Variants in DDX19B observed in about 807,000 individuals in gnomAD.
DDX19B encodes the protein DEAD-box helicase 19B.
DDX19B carries 27 observed loss-of-function variants against 58.1 expected under a neutral mutation model. The ratio of observed to expected loss-of-function variants is 0.46; its 90% CI spans 0.34 to 0.64. DDX19B has a LOEUF of 0.64. DDX19B is among the 30% of genes least tolerant of loss of function. The pLI, the probability that DDX19B is intolerant of heterozygous loss-of-function variation, is 0.01. For missense variants in DDX19B, 399 were observed against 596.5 expected, an observed-to-expected ratio of 0.67 and a Z score of 3.45; for synonymous variants, 187 against 214.4, an observed-to-expected ratio of 0.87 and a Z score of 1.12.
chr16:70,295,214 G>A (rs188123034), upstream of DDX19B: 20 of 534,604 alleles, frequency 3.7e-5, no homozygotes, highest in African/African-American at 3.5e-4. Context: ...TTCCTTCTTA[G>A]CCGGAGTCTC....
chr16:70,306,233 C>T (rs928791912), intron 1 of DDX19B, among the ~76,000 whole-genome samples: 2 of 151,964 alleles, frequency 1.3e-5, no homozygotes, highest in African/African-American at 4.8e-5. Context: ...CTCACTGCAC[C>T]CTTGACCTCC....
At chr16:70,323,555 C>G (rs1962967863) in intron 5 of DDX19B, among the ~76,000 whole-genome samples, 1 of 151,918 alleles carries the variant, frequency 6.6e-6, no homozygotes, top group African/African-American at 2.4e-5. Flanking sequence ...TCCCAAGGAG[C>G]TGGGACTACA....
intron 5 of DDX19B, 55 bp downstream of exon 5, chr16:70,317,643 A>G (rs536701982): frequency 1.5e-4 from 221 of 1,523,918 alleles, no homozygotes; most frequent in African/African-American, 5.5e-5. Flanking sequence ...TTTGAAAACT[A>G]TTATTATTTT....
chr16:70,330,306 G>A (rs537787976), intron 9 of DDX19B, among the ~76,000 whole-genome samples: 5 of 152,180 alleles, frequency 3.3e-5, no homozygotes, highest in Admixed American at 6.6e-5. Flanking sequence ...TAAGCTGGGC[G>A]GCTGGCACGG....
At chr16:70,295,068 T>C, upstream of DDX19B, 1 of 1,284,312 alleles carries the variant, frequency 7.8e-7, no homozygotes, top group Non-Finnish European at 9.9e-7. Context: ...ATCTGTGAGG[T>C]GGGTACTTCC....
At chr16:70,327,394 G>T (rs1219326114) in intron 7 of DDX19B, among the ~76,000 whole-genome samples, 1 of 151,974 alleles carries the variant, frequency 6.6e-6, no homozygotes, top group Non-Finnish European at 1.5e-5. Context: ...TTAGCCAGGT[G>T]TGGTGGCATG....
At chr16:70,331,201 T>A (rs972397185) in intron 9 of DDX19B, among the ~76,000 whole-genome samples, 2 of 152,114 alleles carry the variant, frequency 1.3e-5, no homozygotes, top group Non-Finnish European at 2.9e-5. Context: ...GCCCCATGCA[T>A]GTCAGCCTAA....
chr16:70,314,690 A>C, intron 2 of DDX19B: 1 of 229,492 alleles, frequency 4.4e-6, no homozygotes, highest in Non-Finnish European at 8.2e-6. Flanking sequence ...TAAAATAAAT[A>C]TCTATCTATA....
chr16:70,302,455 C>G (rs1461047783), intron 1 of DDX19B, among the ~76,000 whole-genome samples: 1 of 152,054 alleles, frequency 6.6e-6, no homozygotes, highest in South Asian at 2.1e-4. Flanking sequence ...TATAGTTTTG[C>G]CTTTTCCAAC....
upstream of DDX19B, among the ~76,000 whole-genome samples, chr16:70,295,614 T>C (rs1038812977): frequency 2.6e-5 from 4 of 152,114 alleles, no homozygotes; most frequent in Admixed American, 1.3e-4. Context: ...AGATTATCAA[T>C]TGGACCTTAG....
chr16:70,299,130 A>T, upstream of DDX19B: 1 of 1,356,036 alleles, frequency 7.4e-7, no homozygotes, highest in Non-Finnish European at 9.5e-7. Context: ...AAGTGGGCAA[A>T]GGGTGGCCAA....
At chr16:70,316,200 T>C (rs1268226921) in intron 4 of DDX19B, 96 bp downstream of exon 4, 2 of 1,490,340 alleles carry the variant, frequency 1.3e-6, no homozygotes, top group African/African-American at 2.8e-5. Context: ...AGAGCAGTTT[T>C]AGCTAACCAA....
At chr16:70,299,400 C>A in intron 1 of DDX19B, 46 bp downstream of exon 1, 1 of 1,545,204 alleles carries the variant, frequency 6.5e-7, no homozygotes, top group Non-Finnish European at 8.7e-7. Context: ...TAGTTCTGGT[C>A]GGAGACTTGG....
At position 70,325,673 on chromosome 16, in the gene DDX19B, G is replaced by A; in HGVS notation, c.592G>A (p.Val198Ile). ...CCCTGAACTGAAGCTAGCTTATGCT[G>A]TTCGAGGCAATAAATGTGAGTATGT... Reference protein sequence around the residue: ...FYPELKLAYAVRGNKLERGQK... With the variant: ...FYPELKLAYAIRGNKLERGQK... The change falls in exon 7 of 12, where the codon GTT becomes ATT. Residue 198 changes from valine (V) to isoleucine (I), a missense_variant. By Grantham distance (29) the Val-to-Ile change is conservative. This residue lies in a region of DDX19B where 67 missense variants were observed against 74.3 expected (regional missense o/e 0.90). Coordinates refer to ENST00000288071, the MANE Select transcript of DDX19B (RefSeq NM_007242.7). The A allele has an allele frequency of 6.2e-7, 1 of 1,611,404 alleles. No individual in the cohort carries two copies. Among genetic ancestry groups the A allele is most frequent in the Non-Finnish European group, 8.5e-7 (1 of 1,178,608 alleles).
intron 10 of DDX19B, among the ~76,000 whole-genome samples, chr16:70,332,635 G>A (rs1019719325): frequency 1.3e-5 from 2 of 152,094 alleles, no homozygotes; most frequent in Non-Finnish European, 2.9e-5. Flanking sequence ...AAGTTGGTAT[G>A]CATTGACTTA....
upstream of DDX19B, among the ~76,000 whole-genome samples, chr16:70,291,853 T>C (rs747012058): frequency 4.0e-4 from 60 of 150,194 alleles, no homozygotes; most frequent in Non-Finnish European, 6.7e-4. Context: ...ATTCACCCAT[T>C]AAGAGAGATT....
rs111690529 is a variant in DDX19B at position 70,305,251 on chromosome 16, T to G, written c.57+5897T>G. On this transcript the variant is annotated intron_variant, in intron 1 of 11. Transcript: ENST00000288071. ...TAAACTCCTGCCTAGATGGTGGAGG[T>G]CTGACTCAGTGTTCTGGAATCTAGG... 3.6e-3 allele frequency among the ~76,000 whole-genome samples: 542 copies of G among 152,260 alleles called. 1 individual carries two copies. The highest frequency in any genetic ancestry group is 0.012 in the African/African-American group (484 of 41,550).
intron 1 of DDX19B, among the ~76,000 whole-genome samples, chr16:70,302,372 A>C (rs992913992): frequency 6.6e-6 from 1 of 152,222 alleles, no homozygotes; most frequent in Non-Finnish European, 1.5e-5. Flanking sequence ...CTCTCTACAA[A>C]GAACTACAAC....
chr16:70,311,890 G>C (rs1962113839), intron 1 of DDX19B, among the ~76,000 whole-genome samples: 1 of 151,604 alleles, frequency 6.6e-6, no homozygotes, highest in South Asian at 2.1e-4. Context: ...TTGCCAGGCT[G>C]GGGTGTAGTG....
Sources: allele counts gnomAD v4.1 joint callset (sites outside exome capture counted in the v4.1 genomes callset), GRCh38; gene constraint gnomAD v4.1.1; regional missense constraint gnomAD v4.1.1; transcripts MANE v1.5; gene names NCBI Gene and HGNC (gene_info 2026-07-23, HGNC 2026-07-21).